The following AGBL4 variants were observed in gnomAD, a reference collection of about 807,000 sequenced individuals.
AGBL4 encodes AGBL carboxypeptidase 4.
Under a neutral mutation model 66.4 loss-of-function variants are expected in AGBL4, and 58 were observed. That is an observed-to-expected ratio of 0.87 (90% CI 0.71 to 1.09). The LOEUF (loss-of-function observed/expected upper bound fraction) is 1.09, where lower values mean the gene tolerates loss of function less well. Among genes scored for constraint, AGBL4 ranks in the 50% least tolerant of loss-of-function variants. The probability of loss-of-function intolerance (pLI) is 0.00; values close to 1 mark genes in which losing one functional copy is unlikely to be tolerated. For synonymous variants in AGBL4, 234 were observed against 222.9 expected, an observed-to-expected ratio of 1.05 and a Z score of -0.44; for missense variants, 579 against 631.0, an observed-to-expected ratio of 0.92 and a Z score of 0.88.
chr1:49,102,967 T>G (rs905715381), intron 4 of AGBL4, among the ~76,000 whole-genome samples: 2 of 152,222 alleles, frequency 1.3e-5, no homozygotes, highest in African/African-American at 4.8e-5. Flanking sequence ...CACTGACTCA[T>G]GATTCAGATT....
chr1:49,908,624 A>C (rs537896923), intron 1 of AGBL4, among the ~76,000 whole-genome samples: 1 of 152,108 alleles, frequency 6.6e-6, no homozygotes, highest in Non-Finnish European at 1.5e-5. Flanking sequence ...TTTCTCCATA[A>C]GAACACAGGA....
intron 1 of AGBL4, among the ~76,000 whole-genome samples, chr1:49,958,388 T>C (rs182526683): frequency 8.9e-4 from 135 of 152,188 alleles, no homozygotes; most frequent in Middle Eastern, 6.8e-3. Context: ...CTGTATTTCC[T>C]GAATTTGAAT....
intron 3 of AGBL4, among the ~76,000 whole-genome samples, chr1:49,603,711 C>A (rs1177093694): frequency 6.6e-6 from 1 of 151,864 alleles, no homozygotes; most frequent in East Asian, 1.9e-4. Context: ...TCTACCTTCA[C>A]TCCCCTCCCT....
downstream of AGBL4, among the ~76,000 whole-genome samples, chr1:48,530,211 C>T (rs372835322): frequency 3.3e-5 from 5 of 152,086 alleles, no homozygotes; most frequent in African/African-American, 1.2e-4. Flanking sequence ...AAGGTGTTTA[C>T]CTTTAGGGTT....
At chr1:49,418,304 T>G (rs1443655354) in intron 3 of AGBL4, among the ~76,000 whole-genome samples, 1 of 152,152 alleles carries the variant, frequency 6.6e-6, no homozygotes, top group Non-Finnish European at 1.5e-5. Context: ...CTTTAAGTGG[T>G]AGGAGCCTTC....
chr1:49,330,903 T>C lies in AGBL4; in HGVS notation c.283-85039A>G, dbSNP rs141294741. Reference sequence around the variant, plus strand: ...AATTAGGCCTGATCAGGGAAACAACTTGACCCATGGAGAACAGAGGAAAGC... The same window carrying C: ...AATTAGGCCTGATCAGGGAAACAACCTGACCCATGGAGAACAGAGGAAAGC... On this transcript the variant is annotated intron_variant, in intron 3 of 13. Transcript: ENST00000371839. Among the ~76,000 whole-genome samples, 10 of 152,086 alleles carry C rather than the reference T, an allele frequency of 6.6e-5. No individual in the cohort carries two copies. The East Asian group carries it at 1.5e-3, about 24-fold the overall frequency.
At chr1:49,803,641 G>C (rs1644912671) in intron 2 of AGBL4, among the ~76,000 whole-genome samples, 1 of 152,116 alleles carries the variant, frequency 6.6e-6, no homozygotes, top group African/African-American at 2.4e-5. Flanking sequence ...ATCCAAACTG[G>C]AGGTAATACT....
downstream of AGBL4, among the ~76,000 whole-genome samples, chr1:48,531,364 C>G (rs1643905617): frequency 6.6e-6 from 1 of 152,202 alleles, no homozygotes; most frequent in Non-Finnish European, 1.5e-5. Flanking sequence ...TGTCCCATGT[C>G]ATTTCAGTCC....
At chr1:48,813,524 T>G (rs1384103492) in intron 6 of AGBL4, among the ~76,000 whole-genome samples, 4 of 152,162 alleles carry the variant, frequency 2.6e-5, no homozygotes, top group South Asian at 2.1e-4. Flanking sequence ...GAGGCTGACC[T>G]CATCTAAAGG....
At chr1:48,662,773 C>A (rs1418784051) in intron 7 of AGBL4, among the ~76,000 whole-genome samples, 1 of 152,166 alleles carries the variant, frequency 6.6e-6, no homozygotes, top group Non-Finnish European at 1.5e-5. Flanking sequence ...TTTCACAGCT[C>A]TTCTGCCAAC....
chr1:49,144,209 T>G (rs1384443841), intron 4 of AGBL4, among the ~76,000 whole-genome samples: 1 of 152,060 alleles, frequency 6.6e-6, no homozygotes, highest in Admixed American at 6.6e-5. Flanking sequence ...TTGACCAATG[T>G]GTTGCTGGCT....
chr1:48,737,014 T>C (rs1458793311), intron 6 of AGBL4, among the ~76,000 whole-genome samples: 1 of 152,196 alleles, frequency 6.6e-6, no homozygotes, highest in African/African-American at 2.4e-5. Context: ...CCAGGCATGG[T>C]GGCTCACACC....
chr1:49,551,322 A>G (rs1301180018), intron 3 of AGBL4, among the ~76,000 whole-genome samples: 1 of 152,072 alleles, frequency 6.6e-6, no homozygotes, highest in African/African-American at 2.4e-5. Context: ...CTTGTTTTGG[A>G]TCCACTGCAG....
At chr1:48,572,273 A>G (rs1165062302) in intron 11 of AGBL4, among the ~76,000 whole-genome samples, 1 of 152,186 alleles carries the variant, frequency 6.6e-6, no homozygotes, top group African/African-American at 2.4e-5. Context: ...AGCATTGCTC[A>G]AGGTCATCGA....
intron 4 of AGBL4, among the ~76,000 whole-genome samples, chr1:49,129,461 A>C (rs1295829099): frequency 8.9e-5 from 12 of 134,320 alleles, no homozygotes; most frequent in East Asian, 4.4e-4. Context: ...TATCCCTCCC[A>C]CCTCCCCCAA....
chr1:48,950,182 C>T (rs1410685983), intron 5 of AGBL4, among the ~76,000 whole-genome samples: 1 of 150,534 alleles, frequency 6.6e-6, no homozygotes, highest in East Asian at 2.0e-4. Context: ...CTGCAACCTC[C>T]GCCTCCCAGG....
At chr1:49,264,530 C>T (rs1348762408) in intron 3 of AGBL4, among the ~76,000 whole-genome samples, 1 of 151,660 alleles carries the variant, frequency 6.6e-6, no homozygotes, top group Non-Finnish European at 1.5e-5. Flanking sequence ...TATGTTTATC[C>T]TAATGACAGC....
chr1:48,641,995 A>C (rs891062177), intron 8 of AGBL4, among the ~76,000 whole-genome samples: 1 of 152,020 alleles, frequency 6.6e-6, no homozygotes, highest in African/African-American at 2.4e-5. Context: ...GCTACCCCCT[A>C]CCACCCAGGG....
intron 3 of AGBL4, among the ~76,000 whole-genome samples, chr1:49,394,255 A>C (rs1467674817): frequency 1.3e-5 from 2 of 152,062 alleles, no homozygotes; most frequent in Non-Finnish European, 2.9e-5. Context: ...GGCAGCAACA[A>C]AACTGCACTT....
Sources: allele counts gnomAD v4.1 joint callset (sites outside exome capture counted in the v4.1 genomes callset), GRCh38; gene constraint gnomAD v4.1.1; transcripts MANE v1.5; gene names NCBI Gene and HGNC (gene_info 2026-07-23, HGNC 2026-07-21).